CNNM4: variants seen among roughly 807,000 people sequenced by gnomAD.
CNNM4 encodes cyclin and CBS domain divalent metal cation transport mediator 4, also known as metal transporter CNNM4.
A neutral mutation model predicts 53.7 loss-of-function variants in CNNM4; 32 were observed. The observed-to-expected ratio is 0.60, with a 90% CI of 0.45 to 0.80. CNNM4 has a LOEUF of 0.80. Among genes scored for constraint, CNNM4 ranks in the 30% least tolerant of loss-of-function variants. The probability of loss-of-function intolerance (pLI) is 0.00; values close to 1 mark genes in which losing one functional copy is unlikely to be tolerated. For synonymous variants in CNNM4, 410 were observed against 440.0 expected (o/e 0.93, Z 0.85); for missense variants, 784 against 1,022.0 (o/e 0.77, Z 3.17).
At chr2:96,775,782 G>A (rs917543973) in intron 1 of CNNM4, among the ~76,000 whole-genome samples, 10 of 152,148 alleles carry the variant, frequency 6.6e-5, no homozygotes, top group Non-Finnish European at 8.8e-5. Flanking sequence ...CTGGAGTATA[G>A]TAGCATGATC....
At chr2:96,766,702 G>A (rs549495070) in intron 1 of CNNM4, among the ~76,000 whole-genome samples, 2 of 152,262 alleles carry the variant, frequency 1.3e-5, no homozygotes, top group Admixed American at 1.3e-4. Flanking sequence ...AGGTCTCTTT[G>A]TTTTGCTCAT....
intron 1 of CNNM4, among the ~76,000 whole-genome samples, chr2:96,769,886 G>T (rs1365862425): frequency 6.6e-6 from 1 of 152,254 alleles, no homozygotes; most frequent in African/African-American, 2.4e-5. Flanking sequence ...GGGGGCAGGT[G>T]TATCTGAGAG....
chr2:96,767,782 T>TA (rs1048590557), intron 1 of CNNM4, among the ~76,000 whole-genome samples: 2 of 152,084 alleles, frequency 1.3e-5, no homozygotes, highest in African/African-American at 4.8e-5. Context: ...ATATTTTCAT[T>TA]AAAAAAATCC....
In CNNM4 at chr2:96,799,729, T is replaced by C. The variant is rs537133054; in HGVS notation, c.1948+81T>C. 10 of 1,182,958 alleles carry C rather than the reference T, an allele frequency of 8.5e-6. No homozygotes were observed. The South Asian group carries it at 1.3e-4, about 15-fold the overall frequency. The allele number at this position is 1,182,958 out of a possible 1,614,324, so 73.3% of individuals were successfully genotyped here. A position where few individuals can be genotyped will look rare whatever the true frequency, so the allele number is the denominator to read the frequency against. On this transcript the variant is annotated intron_variant, in intron 5 of 6. Coordinates refer to ENST00000377075, the MANE Select transcript of CNNM4 (RefSeq NM_020184.4). ...CATGGACCGACACCAGAACTGAGCA[T>C]GGGCCCGAGAGCTCATAGCCAGCTG...
chr2:96,808,683 C>T lies in CNNM4; in HGVS notation c.2071C>T (p.Leu691=). Residue 691 remains leucine (L), a synonymous_variant, in exon 6 of 7, where the codon CTG becomes TTG. Transcript: ENST00000377075. This position sits in a 1 kb window ranked among gnomAD's most constrained non-coding sequence, Gnocchi z 4.9. ...CAGCAACCAGTTTGGCAGCTCTGTC[C>T]TGGGCCAGTACATCTCTGACTTCAG... is the stretch of plus-strand genomic sequence containing the variant. The part of the protein sequence containing the change: ...GSSNQFGSSV[L]GQYISDFSVR... 1.2e-6 allele frequency: 2 copies of T among 1,614,222 alleles called. No homozygotes were observed. The highest frequency in any genetic ancestry group is 1.7e-6 in the Non-Finnish European group (2 of 1,180,044).
At chr2:96,768,306 G>A (rs372784156) in intron 1 of CNNM4, among the ~76,000 whole-genome samples, 8 of 152,280 alleles carry the variant, frequency 5.3e-5, no homozygotes, top group African/African-American at 1.9e-4. Flanking sequence ...TCAACCAACA[G>A]TGACCGTTTT....
chr2:96,766,100 CTTTTTTTTTTTT>C (rs559702736), intron 1 of CNNM4, among the ~76,000 whole-genome samples: 1 of 110,518 alleles, frequency 9.0e-6, no homozygotes, highest in African/African-American at 3.4e-5. Flanking sequence ...TTTTTCTTTT[CTTTTTTTTTTTT>C]TTGAGACAGA....
chr2:96,761,320 C>G lies in CNNM4; in HGVS notation c.321C>G (p.Ser107Arg). 6.2e-7 allele frequency: 1 copy of G among 1,614,068 alleles called. No individual in the cohort carries two copies. Among genetic ancestry groups the G allele is most frequent in the East Asian group, 2.2e-5 (1 of 44,890 alleles). The change falls in exon 1 of 7, where the codon AGC (serine) becomes AGG (arginine). Residue 107 changes from serine (S) to arginine (R), a missense_variant. By Grantham distance (110) the Ser-to-Arg change is moderately radical. Coordinates refer to ENST00000377075, the MANE Select transcript of CNNM4 (RefSeq NM_020184.4). This position sits in a 1 kb window ranked among gnomAD's most constrained non-coding sequence, Gnocchi z 6.0. ...CCGAGACCCTCCACAAGTCCACCAG[C>G]TGCCTCGAGCTCACCAAGGACCTGG... is the stretch of plus-strand genomic sequence containing the variant. ...DDAETLHKSTSCLELTKDLVV... is the reference protein window; with the variant it reads ...DDAETLHKSTRCLELTKDLVV...
intron 1 of CNNM4, among the ~76,000 whole-genome samples, chr2:96,787,869 G>T (rs180853196): frequency 1.2e-4 from 18 of 152,234 alleles, no homozygotes; most frequent in Admixed American, 1.2e-3. Flanking sequence ...AAAAAAAATT[G>T]AAGTAAAATA....
At chr2:96,776,874 A>C (rs755353769) in intron 1 of CNNM4, among the ~76,000 whole-genome samples, 1 of 152,138 alleles carries the variant, frequency 6.6e-6, no homozygotes, top group Admixed American at 6.5e-5. Flanking sequence ...TGGCCTCCCA[A>C]AGTGCTGGGA....
At chr2:96,786,749 A>G (rs2079019407) in intron 1 of CNNM4, among the ~76,000 whole-genome samples, 1 of 142,934 alleles carries the variant, frequency 7.0e-6, no homozygotes, top group Non-Finnish European at 1.5e-5. Context: ...ACTGCACTCC[A>G]TCCTGGGTAA....
Position 96,770,621 on chromosome 2 carries a change from C to T in CNNM4, c.1402+8220C>T, listed in dbSNP as rs550652252. On this transcript the variant is annotated intron_variant, in intron 1 of 6. Coordinates refer to ENST00000377075, the MANE Select transcript of CNNM4 (RefSeq NM_020184.4). The stretch of plus-strand genomic sequence containing the variant: ...GGGCTGCTTCCCCTCCTTTTCTAGA[C>T]GGACTTGGCGGTGCGGATCCCTGGG... 1.4e-4 allele frequency among the ~76,000 whole-genome samples: 21 copies of T among 152,312 alleles called. 1 individual carries two copies. The highest frequency in any genetic ancestry group is 2.2e-4 in the African/African-American group (9 of 41,582).
At chr2:96,778,765 C>G (rs1042684735) in intron 1 of CNNM4, among the ~76,000 whole-genome samples, 4 of 151,510 alleles carry the variant, frequency 2.6e-5, no homozygotes, top group Non-Finnish European at 5.9e-5. Context: ...TTTTATGAAC[C>G]CTTTATCAGA....
At chr2:96,803,190 C>T (rs974999695) in intron 5 of CNNM4, among the ~76,000 whole-genome samples, 11 of 152,184 alleles carry the variant, frequency 7.2e-5, no homozygotes, top group Admixed American at 3.9e-4. Context: ...CCCTCCCCTC[C>T]TCTGGGCTTG....
rs1228969254 is a variant in CNNM4, at chr2:96,797,216, C to G, written c.1546+61C>G. The stretch of plus-strand genomic sequence containing the variant: ...TCCTGCTTGGATCGAAACTTGGTGT[C>G]CCTAGCTGGAAGGGCCATAGTGCAG... On this transcript the variant is annotated intron_variant, in intron 2 of 6. Transcript: ENST00000377075. The surrounding 1 kb of genome is among the most constrained non-coding windows in gnomAD (Gnocchi z 6.0). The G allele has an allele frequency of 3.1e-6, 5 of 1,607,496 alleles. No homozygotes were observed. In the East Asian group the frequency reaches 8.9e-5, roughly 29 times the overall value.
At chr2:96,788,116 C>T (rs2079030117) in intron 1 of CNNM4, among the ~76,000 whole-genome samples, 1 of 152,026 alleles carries the variant, frequency 6.6e-6, no homozygotes, top group African/African-American at 2.4e-5. Context: ...AGAGATGGGG[C>T]TTCACCATGT....
At chr2:96,807,246 C>T (rs2079217527) in intron 5 of CNNM4, among the ~76,000 whole-genome samples, 3 of 152,146 alleles carry the variant, frequency 2.0e-5, no homozygotes, top group Admixed American at 1.3e-4. Context: ...CCGGCTCAAG[C>T]AATCTGCCCG....
Position 96,808,828 on chromosome 2 carries a change from G to C in CNNM4, c.2130+86G>C. On this transcript the variant is annotated intron_variant, in intron 6 of 6. Transcript: ENST00000377075. This position sits in a 1 kb window ranked among gnomAD's most constrained non-coding sequence, Gnocchi z 4.9. ...TTTCATCCACCAAACCCAGCATGGT[G>C]GGCCCAAACCCGAGATGCCTTTTTC... The C allele has an allele frequency of 7.1e-7, 1 of 1,407,192 alleles. No homozygotes were observed. Among genetic ancestry groups the C allele is most frequent in the Non-Finnish European group, 1.0e-6 (1 of 1,000,238 alleles). 87.2% of individuals were successfully genotyped at this position (1,407,192 alleles called of 1,614,324 possible).
intron 1 of CNNM4, among the ~76,000 whole-genome samples, chr2:96,779,018 G>A (rs570795636): frequency 3.1e-4 from 47 of 151,940 alleles, no homozygotes; most frequent in Middle Eastern, 6.8e-3. Context: ...GTGCAGTGGC[G>A]CGATTTTGGC....
Sources: allele counts gnomAD v4.1 joint callset (sites outside exome capture counted in the v4.1 genomes callset), GRCh38; gene constraint gnomAD v4.1.1; non-coding constraint Gnocchi (gnomAD v3.1); transcripts MANE v1.5; gene names NCBI Gene and HGNC (gene_info 2026-07-23, HGNC 2026-07-21).